Variants in PTPN12 observed in about 807,000 individuals in gnomAD.
PTPN12 encodes tyrosine-protein phosphatase non-receptor type 12.
Under a neutral mutation model 97.6 loss-of-function variants are expected in PTPN12, and 29 were observed. That is an observed-to-expected ratio of 0.30 (90% CI 0.22 to 0.41). The LOEUF (loss-of-function observed/expected upper bound fraction) is 0.41. Among genes scored for constraint, PTPN12 ranks in the 10% least tolerant of loss-of-function variants. The probability of loss-of-function intolerance (pLI) is 1.00; values close to 1 mark genes in which losing one functional copy is unlikely to be tolerated. For missense variants in PTPN12, 819 were observed against 926.0 expected, an observed-to-expected ratio of 0.88 and a Z score of 1.50; for synonymous variants, 327 against 300.4, an observed-to-expected ratio of 1.09 and a Z score of -0.91.
intron 5 of PTPN12, 44 bp downstream of exon 5, chr7:77,585,625 A>C: frequency 7.4e-6 from 11 of 1,493,374 alleles, no homozygotes; most frequent in Non-Finnish European, 9.3e-6. Context: ...TTTACGGATA[A>C]ATATTCTTAG....
At chr7:77,630,701 A>C (rs555502901) in intron 13 of PTPN12, among the ~76,000 whole-genome samples, 1 of 152,226 alleles carries the variant, frequency 6.6e-6, no homozygotes, top group African/African-American at 2.4e-5. Context: ...AAACTTTTGC[A>C]TAAGTTACTG....
intron 11 of PTPN12, among the ~76,000 whole-genome samples, chr7:77,612,073 T>C (rs565503850): frequency 3.3e-5 from 5 of 152,094 alleles, no homozygotes; most frequent in African/African-American, 1.2e-4. Context: ...AGAAAATAAG[T>C]TGCAAAATTT....
chr7:77,600,822 C>T lies in PTPN12; in HGVS notation c.695+16C>T. Reference sequence around the variant, plus strand: ...TTCATTGCAGGTACAAAAGAATTTCCCAAGTTTATAAATACATTATTTAAG... The same window carrying T: ...TTCATTGCAGGTACAAAAGAATTTCTCAAGTTTATAAATACATTATTTAAG... On this transcript the variant is annotated intron_variant, in intron 8 of 17. Transcript: ENST00000248594. 6.4e-7 allele frequency: 1 copy of T among 1,563,384 alleles called. No individual in the cohort carries two copies. Among genetic ancestry groups the T allele is most frequent in the East Asian group, 2.3e-5 (1 of 44,338 alleles).
chr7:77,607,474 T>A, intron 9 of PTPN12, 173 bp downstream of exon 9: 1 of 494,416 alleles, frequency 2.0e-6, no homozygotes, highest in Non-Finnish European at 3.4e-6. Flanking sequence ...GGCTTACGCC[T>A]GTAATCCTAG....
intron 12 of PTPN12, among the ~76,000 whole-genome samples, chr7:77,622,756 A>G (rs1213612172): frequency 6.6e-6 from 1 of 152,032 alleles, no homozygotes; most frequent in East Asian, 1.9e-4. Flanking sequence ...GGGCAACAGA[A>G]TGAGACTCTT....
chr7:77,627,645 G>T lies in PTPN12; in HGVS notation c.1966G>T (p.Ala656Ser). The T allele has an allele frequency of 6.3e-7, 1 of 1,593,658 alleles. No individual in the cohort carries two copies. ...LPMSIARHNIAGTTHSGAEKD... is the reference protein window; with the variant it reads ...LPMSIARHNISGTTHSGAEKD... ...AATGTCCATTGCTAGACATAATATA[G>T]CAGGAACAACACATTCAGGTGCTGA... The change falls in exon 13 of 18, where the codon GCA (alanine) becomes TCA (serine). Residue 656 changes from alanine to serine, a missense_variant. This residue lies in a region of PTPN12 where 607 missense variants were observed against 577.3 expected (regional missense o/e 1.05). Coordinates refer to ENST00000248594, the MANE Select transcript of PTPN12 (RefSeq NM_002835.4).
intron 4 of PTPN12, chr7:77,585,285 G>T (rs1029619407): frequency 3.2e-5 from 10 of 309,872 alleles, no homozygotes; most frequent in Non-Finnish European, 5.8e-5. Context: ...AAATCTGTAA[G>T]ATTTACATGA....
intron 2 of PTPN12, among the ~76,000 whole-genome samples, chr7:77,577,408 CT>C (rs921419955): frequency 4.6e-5 from 7 of 151,948 alleles, no homozygotes; most frequent in Admixed American, 2.6e-4. Context: ...TTTATTAATT[CT>C]ATACTTTTGA....
intron 6 of PTPN12, among the ~76,000 whole-genome samples, chr7:77,596,495 C>T (rs1340327440): frequency 1.3e-5 from 2 of 152,250 alleles, no homozygotes; most frequent in East Asian, 1.9e-4. Flanking sequence ...ATAGCCTTGG[C>T]CTCACTGCTG....
chr7:77,600,520 T>C, intron 7 of PTPN12, 144 bp from the exon 8 acceptor site: 1 of 622,380 alleles, frequency 1.6e-6, no homozygotes, highest in Non-Finnish European at 2.7e-6. Context: ...AGTCAATAAG[T>C]GTTGGCTATT....
intron 7 of PTPN12, among the ~76,000 whole-genome samples, chr7:77,600,169 A>G (rs1352201444): frequency 2.0e-5 from 3 of 152,174 alleles, no homozygotes; most frequent in Admixed American, 1.3e-4. Flanking sequence ...GCATTGGACA[A>G]ATTCATCTCT....
intron 15 of PTPN12, 28 bp downstream of exon 15, chr7:77,635,877 A>G (rs1789571899): frequency 6.8e-7 from 1 of 1,461,154 alleles, no homozygotes; most frequent in East Asian, 2.3e-5. Flanking sequence ...TGGAACAGTT[A>G]TAGCTTAACA....
intron 14 of PTPN12, 87 bp downstream of exon 14, chr7:77,632,512 G>A: frequency 1.1e-6 from 1 of 938,352 alleles, no homozygotes; most frequent in Non-Finnish European, 1.7e-6. Flanking sequence ...ATTAGCTATT[G>A]TGCTACATAA....
chr7:77,632,678 T>TG (rs1277339897), intron 14 of PTPN12, among the ~76,000 whole-genome samples: 1 of 152,220 alleles, frequency 6.6e-6, no homozygotes, highest in Admixed American at 6.5e-5. Context: ...AATTATAGGC[T>TG]GGGCATGGTG....
chr7:77,561,206 T>G (rs1255617135), intron 1 of PTPN12, among the ~76,000 whole-genome samples: 3 of 152,194 alleles, frequency 2.0e-5, no homozygotes, highest in Non-Finnish European at 4.4e-5. Flanking sequence ...GTTATAGTTA[T>G]GAGCCACTGT....
intron 1 of PTPN12, 44 bp downstream of exon 1, chr7:77,537,689 A>G (rs1806722588): frequency 1.9e-6 from 3 of 1,538,556 alleles, no homozygotes; most frequent in Non-Finnish European, 2.6e-6. Context: ...CCGGCGCCGG[A>G]GCCCATCGCC....
At chr7:77,616,193 A>G (rs1788744055) in intron 11 of PTPN12, among the ~76,000 whole-genome samples, 1 of 152,130 alleles carries the variant, frequency 6.6e-6, no homozygotes, top group African/African-American at 2.4e-5. Flanking sequence ...ATTTTTTGTC[A>G]AAATCTTACC....
At chr7:77,609,893 AC>A (rs1788511132) in intron 9 of PTPN12, among the ~76,000 whole-genome samples, 5 of 135,772 alleles carry the variant, frequency 3.7e-5, no homozygotes, top group South Asian at 2.6e-4. Context: ...AAAAAAAACA[AC>A]AAAAAAAAAA....
At chr7:77,604,906 C>T (rs544324351) in intron 8 of PTPN12, 44 of 430,060 alleles carry the variant, frequency 1.0e-4, no homozygotes, top group South Asian at 5.2e-4. Context: ...ACTTACTGAA[C>T]GGTCTGATCT....
Sources: gnomAD v4.1 joint callset for allele counts (sites outside exome capture counted in the v4.1 genomes callset) on GRCh38, gnomAD v4.1.1 for gene constraint, gnomAD v4.1.1 regional missense constraint, MANE v1.5 for transcripts, NCBI Gene and HGNC (gene_info 2026-07-23, HGNC 2026-07-21) for gene names.